The following IL1RAPL2 variants were observed in gnomAD, a reference collection of about 807,000 sequenced individuals.
IL1RAPL2 encodes the protein X-linked interleukin-1 receptor accessory protein-like 2.
Under a neutral mutation model 44.1 loss-of-function variants are expected in IL1RAPL2, and 3 were observed. The observed-to-expected ratio is 0.07, with a 90% CI of 0.03 to 0.18. The LOEUF is 0.18. Among genes scored for constraint, IL1RAPL2 ranks in the 10% least tolerant of loss-of-function variants. IL1RAPL2 has a pLI of 1.00. For missense variants in IL1RAPL2, 391 were observed against 496.4 expected (o/e 0.79, Z 2.02); for synonymous variants, 181 against 178.8 (o/e 1.01, Z -0.10).
At chrX:105,607,254 C>A (rs2037300179) in intron 6 of IL1RAPL2, among the ~76,000 whole-genome samples, 1 of 110,112 alleles carries the variant, frequency 9.1e-6, no homozygotes, top group Non-Finnish European at 1.9e-5. Context: ...AAAAGCCATA[C>A]AGATAGTTTA....
At chrX:105,392,837 C>G (rs2035536454) in intron 5 of IL1RAPL2, among the ~76,000 whole-genome samples, 1 of 112,457 alleles carries the variant, frequency 8.9e-6, no homozygotes, top group African/African-American at 3.2e-5. Flanking sequence ...GACTTTGATA[C>G]AAACATTCAA....
intron 2 of IL1RAPL2, among the ~76,000 whole-genome samples, chrX:105,157,288 T>C (rs2147592627): frequency 9.2e-6 from 1 of 109,028 alleles, no homozygotes; most frequent in Non-Finnish European, 1.9e-5. Context: ...ACTACAAAGC[T>C]CTCTCTCTCT....
chrX:104,721,230 G>A lies in IL1RAPL2; in HGVS notation c.82+62235G>A, dbSNP rs377665584. The stretch of plus-strand genomic sequence containing the variant: ...TTCTATTACAAAGATACATGCATGC[G>A]TATGTTCATTGCAGCACTATTCACA... On this transcript the variant is annotated intron_variant, in intron 2 of 10. Coordinates refer to ENST00000372582, the MANE Select transcript of IL1RAPL2 (RefSeq NM_017416.2). Among the ~76,000 whole-genome samples, 43 of 111,169 alleles carry A rather than the reference G, an allele frequency of 3.9e-4. No individual in the cohort carries two copies. In the East Asian group the frequency reaches 6.5e-3, roughly 17 times the overall value.
intron 6 of IL1RAPL2, among the ~76,000 whole-genome samples, chrX:105,677,900 C>G (rs886398853): frequency 2.7e-5 from 3 of 111,922 alleles, no homozygotes; most frequent in African/African-American, 9.7e-5. Context: ...ACATATTAGC[C>G]TATTAATGAA....
At chrX:105,318,019 C>G in intron 5 of IL1RAPL2, among the ~76,000 whole-genome samples, 1 of 107,002 alleles carries the variant, frequency 9.3e-6, no homozygotes, top group Non-Finnish European at 1.9e-5. Flanking sequence ...GTCGCCCAGG[C>G]TGGAGTGCAG....
intron 6 of IL1RAPL2, among the ~76,000 whole-genome samples, chrX:105,583,359 C>T (rs917632746): frequency 1.8e-5 from 2 of 110,862 alleles, no homozygotes; most frequent in Non-Finnish European, 1.9e-5. Context: ...TGGTCTCGAT[C>T]TCCTCACCTC....
At chrX:104,786,919 T>TTCTCTCTCTCTCTC (rs58609782) in intron 2 of IL1RAPL2, among the ~76,000 whole-genome samples, 2 of 36,683 alleles carry the variant, frequency 5.5e-5, no homozygotes, top group Admixed American at 3.9e-4. Context: ...CTCATTCATA[T>TTCTCTCTCTCTCTC]TCTCTCTCTC....
At chrX:104,986,923 C>T (rs1176811994) in intron 2 of IL1RAPL2, among the ~76,000 whole-genome samples, 3 of 112,213 alleles carry the variant, frequency 2.7e-5, no homozygotes, top group Admixed American at 1.9e-4. Context: ...TATACTCCTG[C>T]TGTGGGGAAT....
intron 1 of IL1RAPL2, among the ~76,000 whole-genome samples, chrX:104,613,779 G>A (rs1929213661): frequency 9.5e-6 from 1 of 105,431 alleles, no homozygotes; most frequent in Non-Finnish European, 1.9e-5. Flanking sequence ...GCAGAATTTG[G>A]ATGTAAATCC....
chrX:105,309,053 A>G, intron 5 of IL1RAPL2, among the ~76,000 whole-genome samples: 1 of 110,117 alleles, frequency 9.1e-6, no homozygotes, highest in Non-Finnish European at 1.9e-5. Context: ...TTAATTTTTG[A>G]GATGGAGTTT....
chrX:105,357,955 A>G (rs2035215493), intron 5 of IL1RAPL2, among the ~76,000 whole-genome samples: 1 of 102,225 alleles, frequency 9.8e-6, no homozygotes, highest in Non-Finnish European at 2.0e-5. Flanking sequence ...GGATTGCTTG[A>G]GCCCAAGAGT....
intron 2 of IL1RAPL2, among the ~76,000 whole-genome samples, chrX:105,123,108 T>C (rs896741721): frequency 9.0e-6 from 1 of 111,105 alleles, no homozygotes; most frequent in East Asian, 2.8e-4. Flanking sequence ...TTTATTGTAG[T>C]GTGGTGAAAA....
intron 2 of IL1RAPL2, among the ~76,000 whole-genome samples, chrX:104,659,876 C>T (rs759650424): frequency 2.7e-5 from 3 of 111,599 alleles, no homozygotes; most frequent in Non-Finnish European, 5.7e-5. Context: ...GCAAAAAATG[C>T]GGATTGGGGG....
chrX:105,303,745 G>A (rs1044058656), intron 5 of IL1RAPL2, among the ~76,000 whole-genome samples: 4 of 112,092 alleles, frequency 3.6e-5, no homozygotes, highest in Non-Finnish European at 1.9e-5. Context: ...GGGTCCTGGC[G>A]TACTTCCCTC....
At chrX:105,720,119 G>A (rs920999585) in intron 7 of IL1RAPL2, among the ~76,000 whole-genome samples, 1 of 111,719 alleles carries the variant, frequency 9.0e-6, no homozygotes, top group Non-Finnish European at 1.9e-5. Flanking sequence ...TATGTTTTGT[G>A]ATCAAAGGTA....
At chrX:105,100,023 C>A (rs2032652205) in intron 2 of IL1RAPL2, among the ~76,000 whole-genome samples, 1 of 110,876 alleles carries the variant, frequency 9.0e-6, no homozygotes, top group Non-Finnish European at 1.9e-5. Flanking sequence ...TGGTACAGTA[C>A]AATAAGATAT....
chrX:105,445,811 C>T (rs1427242925), intron 5 of IL1RAPL2, among the ~76,000 whole-genome samples: 1 of 111,255 alleles, frequency 9.0e-6, no homozygotes, highest in East Asian at 2.8e-4. Context: ...GGCCCAGCAG[C>T]ATATGGTCTT....
intron 4 of IL1RAPL2, among the ~76,000 whole-genome samples, chrX:105,239,413 G>A (rs1556205529): frequency 9.0e-6 from 1 of 111,341 alleles, no homozygotes; most frequent in Non-Finnish European, 1.9e-5. Context: ...GAAGAATGAA[G>A]GACTCCCGGC....
chrX:105,542,175 C>T (rs372328361), intron 6 of IL1RAPL2, among the ~76,000 whole-genome samples: 4 of 112,298 alleles, frequency 3.6e-5, no homozygotes, highest in South Asian at 7.4e-4. Flanking sequence ...TTAGTAATTT[C>T]TCTCCTCTGA....
Sources: allele counts gnomAD v4.1 joint callset (sites outside exome capture counted in the v4.1 genomes callset), GRCh38; gene constraint gnomAD v4.1.1; transcripts MANE v1.5; gene names NCBI Gene and HGNC (gene_info 2026-07-23, HGNC 2026-07-21).